The following VPS54 variants were observed in gnomAD, a reference collection of about 807,000 sequenced individuals.
VPS54 encodes the protein vacuolar protein sorting-associated protein 54.
A neutral mutation model predicts 121.5 loss-of-function variants in VPS54; 45 were observed. The observed-to-expected ratio is 0.37, with a 90% CI of 0.29 to 0.47. The LOEUF (loss-of-function observed/expected upper bound fraction) is 0.47. Ranked by LOEUF, VPS54 falls within the 20% of genes least tolerant of loss-of-function variation. VPS54 has a pLI of 0.99. For missense variants in VPS54, 1,090 were observed against 1,131.4 expected (o/e 0.96, Z 0.52); for synonymous variants, 371 against 385.8 (o/e 0.96, Z 0.45).
chr2:63,938,297 T>A (rs1176512215), intron 11 of VPS54, among the ~76,000 whole-genome samples: 1 of 151,818 alleles, frequency 6.6e-6, no homozygotes, highest in Non-Finnish European at 1.5e-5. Context: ...TTCCCTGGCA[T>A]GCAGCTCCCT....
chr2:63,909,517 G>A (rs1299171360), intron 20 of VPS54, among the ~76,000 whole-genome samples: 1 of 144,014 alleles, frequency 6.9e-6, no homozygotes, highest in African/African-American at 2.6e-5. Flanking sequence ...CGCCTCGTGG[G>A]TTCAAGCAAT....
chr2:63,950,655 T>C (rs1675197194), intron 7 of VPS54, among the ~76,000 whole-genome samples: 1 of 152,220 alleles, frequency 6.6e-6, no homozygotes, highest in Admixed American at 6.5e-5. Context: ...AGCAGCTTTA[T>C]AGATAAGGGC....
At chr2:63,979,953 A>G (rs1439273408) in intron 3 of VPS54, among the ~76,000 whole-genome samples, 2 of 152,202 alleles carry the variant, frequency 1.3e-5, no homozygotes, top group African/African-American at 2.4e-5. Flanking sequence ...ATATTCTTCT[A>G]TGTTATATGG....
chr2:63,992,644 T>TTC (rs1409744879), intron 1 of VPS54, among the ~76,000 whole-genome samples: 3 of 152,248 alleles, frequency 2.0e-5, no homozygotes, highest in African/African-American at 7.2e-5. Flanking sequence ...ATTTGGAACC[T>TTC]TCTTTCCCGC....
intron 1 of VPS54, among the ~76,000 whole-genome samples, chr2:63,987,506 C>A (rs1677109242): frequency 6.6e-6 from 1 of 151,856 alleles, no homozygotes; most frequent in Non-Finnish European, 1.5e-5. Flanking sequence ...TTTGTTTATT[C>A]CAAGTCTTTT....
chr2:63,928,271 A>C (rs1674009636), intron 12 of VPS54, among the ~76,000 whole-genome samples: 1 of 152,236 alleles, frequency 6.6e-6, no homozygotes, highest in Admixed American at 6.5e-5. Context: ...GAGAAAGGTC[A>C]GGTTACCCAC....
intron 7 of VPS54, among the ~76,000 whole-genome samples, chr2:63,955,445 G>A (rs1276048212): frequency 7.2e-5 from 11 of 151,872 alleles, no homozygotes; most frequent in Non-Finnish European, 1.6e-4. Context: ...TATGGTGGGA[G>A]GTCCATATGA....
At chr2:63,921,054 T>C in intron 13 of VPS54, 152 bp downstream of exon 13, 1 of 670,986 alleles carries the variant, frequency 1.5e-6, no homozygotes, top group Non-Finnish European at 2.2e-6. Context: ...TATCTCAACA[T>C]CTCCCTAGTA....
chr2:63,979,589 A>C (rs1252093203), intron 3 of VPS54, among the ~76,000 whole-genome samples: 1 of 152,180 alleles, frequency 6.6e-6, no homozygotes, highest in African/African-American at 2.4e-5. Context: ...ATTTGAAATC[A>C]TTCTTCTTTC....
At position 63,949,102 on chromosome 2, in the gene VPS54, A is replaced by G; in HGVS notation, c.1072T>C (p.Phe358Leu). Residue 358 changes from phenylalanine (F) to leucine (L), a missense_variant, in exon 8 of 23, where the codon TTT (phenylalanine) becomes CTT (leucine). This residue lies in a region of VPS54 where 801 missense variants were observed against 757.0 expected (regional missense o/e 1.06). Transcript: ENST00000272322. ...AAGTCACTGTGAGAATAAGTAGAAA[A>G]TTCTGCAATCATCATTTTATCTATC... The part of the protein sequence containing the change: ...KLIDKMMIAE[F>L]STYSHSDLNR... The G allele has an allele frequency of 1.9e-6, 3 of 1,611,768 alleles. No individual in the cohort carries two copies. The highest frequency in any genetic ancestry group is 2.5e-6 in the Non-Finnish European group (3 of 1,179,220).
chr2:63,983,915 G>C lies in VPS54; in HGVS notation c.85C>G (p.His29Asp), dbSNP rs370999383. The C allele has an allele frequency of 6.2e-7, 1 of 1,613,596 alleles. No homozygotes were observed. Among genetic ancestry groups the C allele is most frequent in the Non-Finnish European group, 8.5e-7 (1 of 1,179,818 alleles). The change falls in exon 2 of 23, where the codon CAC becomes GAC. Residue 29 changes from histidine to aspartate, a missense_variant. Transcript: ENST00000272322. Reference sequence around the variant, plus strand: ...GGCAGTGATGGCACAGGTCGAATGTGTTTTGACGGATCTACCTCTATTTTA... The same window carrying C: ...GGCAGTGATGGCACAGGTCGAATGTCTTTTGACGGATCTACCTCTATTTTA... ...FFKIEVDPSK[H>D]IRPVPSLPDV...
rs540943566 is a variant in VPS54 at position 64,001,947 on chromosome 2, C to T, written c.-21+16991G>A. 1.2e-4 allele frequency among the ~76,000 whole-genome samples: 19 copies of T among 152,220 alleles called. No individual in the cohort carries two copies. In the South Asian group the frequency reaches 2.9e-3, roughly 23 times the overall value. The stretch of plus-strand genomic sequence containing the variant: ...GCACTAGGACTTGCAGTCCTTTTGG[C>T]TTACACTGCCTTTTATTTAGGACCC... On this transcript the variant is annotated intron_variant, in intron 1 of 22. Transcript: ENST00000272322.
At chr2:63,946,197 T>C (rs1251967844) in intron 9 of VPS54, among the ~76,000 whole-genome samples, 3 of 152,184 alleles carry the variant, frequency 2.0e-5, no homozygotes, top group Non-Finnish European at 2.9e-5. Flanking sequence ...ATGATATTCA[T>C]TTGTTATTCT....
At chr2:63,908,570 A>AT (rs1470766816) in intron 20 of VPS54, among the ~76,000 whole-genome samples, 3 of 152,176 alleles carry the variant, frequency 2.0e-5, no homozygotes, top group Non-Finnish European at 1.5e-5. Flanking sequence ...ACCTGATATG[A>AT]ATTGCTTAGT....
intron 6 of VPS54, among the ~76,000 whole-genome samples, chr2:63,963,414 T>C (rs1371074860): frequency 6.6e-6 from 1 of 152,114 alleles, no homozygotes; most frequent in African/African-American, 2.4e-5. Context: ...ATCTTTCCAT[T>C]ATTCACCCAT....
At chr2:63,902,658 T>C (rs1672730940) in intron 20 of VPS54, among the ~76,000 whole-genome samples, 1 of 151,568 alleles carries the variant, frequency 6.6e-6, no homozygotes, top group Non-Finnish European at 1.5e-5. Context: ...GTTGAAACGA[T>C]TAGAGGGAGA....
chr2:63,917,132 T>G (rs114001196), intron 15 of VPS54, among the ~76,000 whole-genome samples, 169 bp from the exon 16 acceptor site: 2,031 of 152,116 alleles, frequency 0.013, 17 homozygotes, highest in Middle Eastern at 0.024. Context: ...ATACTGGAAG[T>G]TGGAGAGATT....
At chr2:64,005,111 T>A (rs1678070431) in intron 1 of VPS54, among the ~76,000 whole-genome samples, 4 of 115,722 alleles carry the variant, frequency 3.5e-5, no homozygotes, top group Admixed American at 8.9e-5. Context: ...TTTTTTTTTT[T>A]TTTTTTTTTT....
chr2:63,928,718 CT>C (rs1674037888), intron 12 of VPS54, among the ~76,000 whole-genome samples: 1 of 151,420 alleles, frequency 6.6e-6, no homozygotes, highest in African/African-American at 2.4e-5. Flanking sequence ...GACTGGCAAA[CT>C]GGATAAAGAG....
Sources: allele counts gnomAD v4.1 joint callset (sites outside exome capture counted in the v4.1 genomes callset), GRCh38; gene constraint gnomAD v4.1.1; regional missense constraint gnomAD v4.1.1; transcripts MANE v1.5; gene names NCBI Gene and HGNC (gene_info 2026-07-23, HGNC 2026-07-21).